The following COBLL1 variants were observed in gnomAD, a reference collection of about 807,000 sequenced individuals.
The protein encoded by COBLL1 is cordon-bleu protein-like 1.
In COBLL1, 50 loss-of-function variants were observed where a neutral mutation model predicts 94.8. That is an observed-to-expected ratio of 0.53 (90% CI 0.42 to 0.67). COBLL1 has a LOEUF of 0.67. Ranked by LOEUF, COBLL1 falls within the 30% of genes least tolerant of loss-of-function variation. COBLL1 has a pLI of 0.00. For missense variants in COBLL1, 1,362 were observed against 1,348.7 expected (o/e 1.01, Z -0.15); for synonymous variants, 448 against 473.8 (o/e 0.95, Z 0.71).
At chr2:164,733,423 A>T in intron 3 of COBLL1, among the ~76,000 whole-genome samples, 1 of 152,176 alleles carries the variant, frequency 6.6e-6, no homozygotes, top group East Asian at 1.9e-4. Flanking sequence ...TATGTTTTCT[A>T]CTAAAAATGC....
At chr2:164,799,771 C>A (rs1271617763) in intron 2 of COBLL1, among the ~76,000 whole-genome samples, 1 of 152,096 alleles carries the variant, frequency 6.6e-6, no homozygotes. Context: ...ACAAAATAGA[C>A]AATCTAGAAA....
Position 164,718,880 on chromosome 2 carries a change from ATCT to A in COBLL1, c.996+3192_996+3194del, listed in dbSNP as rs536565863. ...TTTTGCATCAGCAACAATAAGTCAA[ATCT>A]TCTGGTTAGAGATAGAAGTATCCTA... On this transcript the variant is annotated intron_variant, in intron 7 of 13. Transcript: ENST00000652658. 5.9e-5 allele frequency among the ~76,000 whole-genome samples: 9 copies of A among 152,182 alleles called. No individual in the cohort carries two copies. In the South Asian group the frequency reaches 1.7e-3, roughly 28 times the overall value.
Position 164,841,464 on chromosome 2 carries a change from G to A in COBLL1, c.-50-218C>T. ...CGCCCAGAGCACGGCGGAGGAGGCG[G>A]TGGCGCTGCAGCCCCCGCCCCGTGG... On this transcript the variant is annotated intron_variant, in intron 1 of 13. Transcript: ENST00000652658. This position sits in a 1 kb window ranked among gnomAD's most constrained non-coding sequence, Gnocchi z 5.5. 8.7e-7 allele frequency: 1 copy of A among 1,143,056 alleles called. No individual in the cohort carries two copies. Among genetic ancestry groups the A allele is most frequent in the Admixed American group, 4.8e-5 (1 of 20,862 alleles). The allele number at this position is 1,143,056 out of a possible 1,614,324, so 70.8% of individuals were successfully genotyped here.
chr2:164,727,432 C>T (rs1326156071), intron 5 of COBLL1, among the ~76,000 whole-genome samples: 1 of 151,958 alleles, frequency 6.6e-6, no homozygotes, highest in Non-Finnish European at 1.5e-5. Flanking sequence ...TACATCATTT[C>T]TATAGATTAA....
intron 2 of COBLL1, among the ~76,000 whole-genome samples, chr2:164,660,087 C>T (rs1040704471): frequency 3.3e-5 from 5 of 152,086 alleles, no homozygotes; most frequent in African/African-American, 7.2e-5. Flanking sequence ...AAAATATATG[C>T]GTCTGGAGTC....
At chr2:164,663,630 T>G (rs1691104788) in intron 2 of COBLL1, among the ~76,000 whole-genome samples, 1 of 152,136 alleles carries the variant, frequency 6.6e-6, no homozygotes, top group Non-Finnish European at 1.5e-5. Context: ...TAAAAAAGAA[T>G]GAAATCAGGC....
chr2:164,727,237 T>C lies in COBLL1; in HGVS notation c.661+732A>G, dbSNP rs148245103. ...ATCACTGAGTTGAAAAAGTAGTCTA[T>C]GGATTACATAAAGCCACCACCTCAG... On this transcript the variant is annotated intron_variant, in intron 5 of 13. Transcript: ENST00000652658. 2.2e-3 allele frequency: 1,404 copies of C among 631,278 alleles called. 11 individuals carry two copies. In the African/African-American group the frequency reaches 0.024, roughly 11 times the overall value. The allele number at this position is 631,278 out of a possible 1,614,324, so 39.1% of individuals were successfully genotyped here. A position where few individuals can be genotyped will look rare whatever the true frequency, so the allele number is the denominator to read the frequency against.
At chr2:164,687,197 G>A in intron 13 of COBLL1, 1 of 426,702 alleles carries the variant, frequency 2.3e-6, no homozygotes, top group Admixed American at 3.7e-5. Flanking sequence ...ACAAATGACA[G>A]GTAATGACTT....
chr2:164,661,715 A>G (rs1261442606), intron 2 of COBLL1, among the ~76,000 whole-genome samples: 1 of 152,164 alleles, frequency 6.6e-6, no homozygotes, highest in African/African-American at 2.4e-5. Context: ...AGTTTTCAAA[A>G]TGTCATAATC....
intron 2 of COBLL1, among the ~76,000 whole-genome samples, chr2:164,818,524 A>C (rs754773725): frequency 6.9e-6 from 1 of 145,460 alleles, no homozygotes; most frequent in Non-Finnish European, 1.5e-5. Flanking sequence ...ATACTTATAT[A>C]CAATATACAT....
intron 2 of COBLL1, among the ~76,000 whole-genome samples, chr2:164,840,176 A>G (rs1341856929): frequency 6.6e-6 from 1 of 152,202 alleles, no homozygotes; most frequent in Non-Finnish European, 1.5e-5. Context: ...CATTAGTGAC[A>G]ACGTCGATTT....
intron 9 of COBLL1, 54 bp downstream of exon 9, chr2:164,704,390 T>G: frequency 8.5e-7 from 1 of 1,181,426 alleles, no homozygotes. Context: ...ATTTCTCAAT[T>G]ATCATGGACG....
chr2:164,729,146 G>C (rs1197457585), intron 4 of COBLL1, among the ~76,000 whole-genome samples: 3 of 151,434 alleles, frequency 2.0e-5, no homozygotes, highest in Non-Finnish European at 4.4e-5. Flanking sequence ...ATTGTAGAAA[G>C]CAAGTATGTT....
intron 2 of COBLL1, among the ~76,000 whole-genome samples, chr2:164,765,976 G>A (rs1306757680): frequency 6.6e-6 from 1 of 151,950 alleles, no homozygotes; most frequent in African/African-American, 2.4e-5. Flanking sequence ...CCAGCCTCAG[G>A]CACCCATTAC....
chr2:164,766,924 A>G (rs1371964355), intron 2 of COBLL1, among the ~76,000 whole-genome samples: 2 of 152,240 alleles, frequency 1.3e-5, no homozygotes, highest in Admixed American at 1.3e-4. Flanking sequence ...GATTATGATT[A>G]AAACAGTATA....
At chr2:164,838,920 C>T (rs372787696) in intron 2 of COBLL1, among the ~76,000 whole-genome samples, 5 of 152,090 alleles carry the variant, frequency 3.3e-5, no homozygotes, top group African/African-American at 4.8e-5. Context: ...AGATATTTTT[C>T]CCCCAGTTTA....
intron 2 of COBLL1, among the ~76,000 whole-genome samples, chr2:164,790,568 AT>A (rs1553478731): frequency 6.6e-6 from 1 of 152,158 alleles, no homozygotes; most frequent in Non-Finnish European, 1.5e-5. Context: ...CTTATACATC[AT>A]TTTACTTAAA....
chr2:164,702,797 A>T (rs1283766670), intron 9 of COBLL1, among the ~76,000 whole-genome samples: 1 of 151,948 alleles, frequency 6.6e-6, no homozygotes, highest in African/African-American at 2.4e-5. Context: ...AGTGTGAGCC[A>T]CCATGCCCAG....
At chr2:164,769,601 G>A (rs1299584440) in intron 2 of COBLL1, among the ~76,000 whole-genome samples, 3 of 152,208 alleles carry the variant, frequency 2.0e-5, no homozygotes, top group African/African-American at 7.2e-5. Flanking sequence ...GCTCACGCCT[G>A]TAACCCCAGC....
Sources: gnomAD v4.1 joint callset for allele counts (sites outside exome capture counted in the v4.1 genomes callset) on GRCh38, gnomAD v4.1.1 for gene constraint, Gnocchi (gnomAD v3.1) non-coding constraint, MANE v1.5 for transcripts, NCBI Gene and HGNC (gene_info 2026-07-23, HGNC 2026-07-21) for gene names.